The following MACROD2 variants were observed in gnomAD, a reference collection of about 807,000 sequenced individuals.
The protein encoded by MACROD2 is ADP-ribose glycohydrolase MACROD2.
In MACROD2, 36 loss-of-function variants were observed where a neutral mutation model predicts 70.4. The observed-to-expected ratio is 0.51, with a 90% confidence interval of 0.39 to 0.68. MACROD2 has a LOEUF of 0.68. MACROD2 is among the 30% of genes least tolerant of loss of function. The probability of loss-of-function intolerance (pLI) is 0.00; values close to 1 mark genes in which losing one functional copy is unlikely to be tolerated. For synonymous variants in MACROD2, 172 were observed against 178.8 expected (o/e 0.96, Z 0.30); for missense variants, 496 against 538.4 (o/e 0.92, Z 0.78).
rs574385102 is a variant in MACROD2, at chr20:14,732,172, T to C, written c.418+47213T>C. 1.8e-4 allele frequency among the ~76,000 whole-genome samples: 28 copies of C among 152,270 alleles called. No individual in the cohort carries two copies. In the East Asian group the frequency reaches 5.2e-3, roughly 28 times the overall value. On this transcript the variant is annotated intron_variant, in intron 5 of 17. Coordinates refer to ENST00000684519, the MANE Select transcript of MACROD2 (RefSeq NM_001351661.2). ...AGTCCAGTAAGACTTTGAAAAGGTA[T>C]AGAGTTCTTAGGTATTTTGGAGGAG...
chr20:14,343,053 C>T (rs775481642), intron 3 of MACROD2, among the ~76,000 whole-genome samples: 7 of 152,148 alleles, frequency 4.6e-5, no homozygotes, highest in Admixed American at 1.3e-4. Context: ...GTAAAAGTCA[C>T]GGGGTGTGGC....
At chr20:15,579,024 A>G (rs1335766981) in intron 8 of MACROD2, among the ~76,000 whole-genome samples, 1 of 152,212 alleles carries the variant, frequency 6.6e-6, no homozygotes, top group Non-Finnish European at 1.5e-5. Context: ...ATTCAAGTCA[A>G]ACACTACATA....
At chr20:14,044,272 G>A (rs924341517) in intron 2 of MACROD2, among the ~76,000 whole-genome samples, 1 of 151,704 alleles carries the variant, frequency 6.6e-6, no homozygotes, top group Non-Finnish European at 1.5e-5. Context: ...TGGTGGGTTC[G>A]TGGTCTCGCT....
At chr20:15,947,537 G>A (rs537687520) in intron 12 of MACROD2, among the ~76,000 whole-genome samples, 5 of 152,282 alleles carry the variant, frequency 3.3e-5, no homozygotes, top group Non-Finnish European at 7.4e-5. Flanking sequence ...TTGGGGCAAA[G>A]TTACAGATTA....
At chr20:14,016,676 A>G (rs1170907801) in intron 2 of MACROD2, among the ~76,000 whole-genome samples, 4 of 151,874 alleles carry the variant, frequency 2.6e-5, no homozygotes, top group Non-Finnish European at 5.9e-5. Context: ...TGGTCTTGGC[A>G]CTCGTGTTGA....
At chr20:15,104,019 T>C (rs2075892892) in intron 5 of MACROD2, among the ~76,000 whole-genome samples, 1 of 152,092 alleles carries the variant, frequency 6.6e-6, no homozygotes, top group African/African-American at 2.4e-5. Flanking sequence ...CAAGTGATGG[T>C]GATGGCTTTT....
At chr20:14,223,026 A>T (rs1311165481) in intron 3 of MACROD2, 2 of 152,140 alleles carry the variant, frequency 1.3e-5, no homozygotes, top group South Asian at 4.1e-4. Flanking sequence ...TCACATAAGG[A>T]ATTGAGGAGA....
chr20:14,304,113 T>G (rs2082499492), intron 3 of MACROD2, among the ~76,000 whole-genome samples: 1 of 152,214 alleles, frequency 6.6e-6, no homozygotes, highest in African/African-American at 2.4e-5. Flanking sequence ...TACTTACGAA[T>G]GCAAACTTTC....
At chr20:15,981,283 G>C (rs140572099) in intron 13 of MACROD2, among the ~76,000 whole-genome samples, 66 of 152,280 alleles carry the variant, frequency 4.3e-4, no homozygotes, top group East Asian at 4.1e-3. Flanking sequence ...ATCTCTTTCT[G>C]TGTAATTGGA....
intron 8 of MACROD2, among the ~76,000 whole-genome samples, chr20:15,845,201 G>A (rs2064216795): frequency 6.6e-6 from 1 of 152,080 alleles, no homozygotes; most frequent in African/African-American, 2.4e-5. Context: ...GCTGGATTAA[G>A]GTAGATCCTA....
intron 6 of MACROD2, among the ~76,000 whole-genome samples, chr20:15,293,305 T>G (rs1037973883): frequency 3.3e-5 from 5 of 152,378 alleles, no homozygotes; most frequent in Middle Eastern, 3.4e-3. Context: ...AGTATGGTAT[T>G]ATAACACACT....
intron 5 of MACROD2, among the ~76,000 whole-genome samples, chr20:15,220,256 G>T (rs943822029): frequency 6.6e-6 from 1 of 152,064 alleles, no homozygotes; most frequent in African/African-American, 2.4e-5. Context: ...CTCTAATCTG[G>T]TACATCATTC....
Position 15,376,226 on chromosome 20 carries a change from C to T in MACROD2, c.541-55179C>T, listed in dbSNP as rs150111390. ...AGGTAATGAATAGAAGATAGAGTTA[C>T]GGAATATTAGATAATTTTATAACTC... is the stretch of plus-strand genomic sequence containing the variant. On this transcript the variant is annotated intron_variant, in intron 6 of 17. Coordinates refer to ENST00000684519, the MANE Select transcript of MACROD2 (RefSeq NM_001351661.2). 5.1e-4 allele frequency among the ~76,000 whole-genome samples: 78 copies of T among 152,130 alleles called. No individual in the cohort carries two copies. The East Asian group carries it at 0.011, about 22-fold the overall frequency.
In MACROD2 at chr20:15,582,116, G is replaced by A. The variant is rs185227365; in HGVS notation, c.645+82269G>A. ...CAGCCTGGGCGACAGTGCCAGACTC[G>A]GTCTCAAAAAAAAAAAAAAGTTCTG... On this transcript the variant is annotated intron_variant, in intron 8 of 17. Transcript: ENST00000684519. Among the ~76,000 whole-genome samples, 103 of 118,310 alleles carry A rather than the reference G, an allele frequency of 8.7e-4. 1 individual carries two copies. The highest frequency in any genetic ancestry group is 2.4e-3 in the African/African-American group (96 of 39,356). The allele number at this position is 118,310 out of a possible 152,430, so 77.6% of individuals were successfully genotyped here.
At chr20:14,904,837 T>C (rs1194855253) in intron 5 of MACROD2, 1 of 152,196 alleles carries the variant, frequency 6.6e-6, no homozygotes, top group Non-Finnish European at 1.5e-5. Context: ...ATATTATGCA[T>C]ATTATATGTA....
intron 6 of MACROD2, among the ~76,000 whole-genome samples, chr20:15,328,038 T>C (rs1260250294): frequency 1.3e-5 from 2 of 152,032 alleles, no homozygotes; most frequent in East Asian, 1.9e-4. Context: ...TATATTTTTA[T>C]AAAATGAAGA....
At chr20:14,168,847 C>T (rs1169398247) in intron 3 of MACROD2, among the ~76,000 whole-genome samples, 2 of 152,166 alleles carry the variant, frequency 1.3e-5, no homozygotes, top group Admixed American at 1.3e-4. Context: ...CTCCCTAAAT[C>T]ATTCTGTAAA....
chr20:14,261,983 TAAAA>T (rs1012074971), intron 3 of MACROD2, among the ~76,000 whole-genome samples: 15 of 152,224 alleles, frequency 9.9e-5, no homozygotes, highest in Middle Eastern at 3.4e-3. Context: ...GAGGTCAAGA[TAAAA>T]GAAAGCAAAG....
Position 16,003,379 on chromosome 20 carries a change from G to A in MACROD2, c.1153+16221G>A, listed in dbSNP as rs147291384. On this transcript the variant is annotated intron_variant, in intron 15 of 17. Coordinates refer to ENST00000684519, the MANE Select transcript of MACROD2 (RefSeq NM_001351661.2). Reference sequence around the variant, plus strand: ...GTGTGTGTGTGTGTGCATCTCTTGTGTTATATGTAGGAATTCACATTTATA... The same window carrying A: ...GTGTGTGTGTGTGTGCATCTCTTGTATTATATGTAGGAATTCACATTTATA... Among the ~76,000 whole-genome samples, 139 of 151,658 alleles carry A rather than the reference G, an allele frequency of 9.2e-4. No homozygotes were observed. In the East Asian group the frequency reaches 0.013, roughly 14 times the overall value.
Sources: gnomAD v4.1 joint callset for allele counts (sites outside exome capture counted in the v4.1 genomes callset) on GRCh38, gnomAD v4.1.1 for gene constraint, MANE v1.5 for transcripts, NCBI Gene and HGNC (gene_info 2026-07-23, HGNC 2026-07-21) for gene names.